The following TSC22D1 variants were observed in gnomAD, a reference collection of about 807,000 sequenced individuals.
TSC22D1 encodes the protein TSC22 domain family member 1.
A neutral mutation model predicts 74.2 loss-of-function variants in TSC22D1; 9 were observed. The observed-to-expected ratio is 0.12, with a 90% CI of 0.07 to 0.21. The LOEUF is 0.21. Ranked by LOEUF, TSC22D1 falls within the 10% of genes least tolerant of loss-of-function variation. The pLI is 1.00. For synonymous variants in TSC22D1, 586 were observed against 492.5 expected, an observed-to-expected ratio of 1.19 and a Z score of -2.51; for missense variants, 1,427 against 1,304.7, an observed-to-expected ratio of 1.09 and a Z score of -1.44.
chr13:44,478,334 G>A (rs955162626), intron 1 of TSC22D1, among the ~76,000 whole-genome samples: 6 of 151,958 alleles, frequency 3.9e-5, no homozygotes, highest in East Asian at 1.9e-4. Flanking sequence ...TACTTTATAC[G>A]TATATTACCT....
At chr13:44,437,327 G>T in intron 1 of TSC22D1, 6 of 908,324 alleles carry the variant, frequency 6.6e-6, no homozygotes, top group Non-Finnish European at 6.6e-6. Context: ...CAATTATCTA[G>T]TTCTTACCGG....
intron 1 of TSC22D1, among the ~76,000 whole-genome samples, chr13:44,511,203 T>A (rs1879697638): frequency 6.6e-6 from 1 of 152,074 alleles, no homozygotes; most frequent in South Asian, 2.1e-4. Context: ...GAGGATTGCT[T>A]GAGCCCGGGA....
At chr13:44,536,448 A>G (rs1014773093) in intron 1 of TSC22D1, among the ~76,000 whole-genome samples, 15 of 151,900 alleles carry the variant, frequency 9.9e-5, no homozygotes, top group Admixed American at 9.8e-4. Context: ...ATAAAACTAA[A>G]TATTACCCTT....
intron 1 of TSC22D1, among the ~76,000 whole-genome samples, chr13:44,526,447 G>T (rs1450150491): frequency 4.0e-5 from 6 of 151,236 alleles, no homozygotes; most frequent in African/African-American, 1.5e-4. Flanking sequence ...TCAAAGATAC[G>T]TCAATAAAAA....
Position 44,432,646 on chromosome 13 carries a change from C to CA in TSC22D1, c.*1979dup, listed in dbSNP as rs1874143433. On this transcript the variant is annotated 3_prime_UTR_variant, in exon 3 of 3. Transcript: ENST00000458659. ...GATCTTGGATGTCCCATTCACCTCT[C>CA]AATCTCCCACCAGCTCTAGATGAGA... 2 of 152,162 alleles carry CA rather than the reference C, an allele frequency of 1.3e-5. No homozygotes were observed. Among genetic ancestry groups the CA allele is most frequent in the African/African-American group, 4.8e-5 (2 of 41,436 alleles). 9.4% of individuals were successfully genotyped at this position (152,162 alleles called of 1,614,324 possible). A position where few individuals can be genotyped will look rare whatever the true frequency, so the allele number is the denominator to read the frequency against.
intron 1 of TSC22D1, among the ~76,000 whole-genome samples, chr13:44,532,660 C>G (rs7992232): frequency 0.99 from 151,265 of 152,070 alleles, 75,243 homozygotes; most frequent in East Asian, 1. Flanking sequence ...ATTTTTAGTA[C>G]AGACGGGGTT....
chr13:44,537,361 A>C (rs1881210760), intron 1 of TSC22D1: 1 of 985,060 alleles, frequency 1.0e-6, no homozygotes, highest in Non-Finnish European at 1.2e-6. Context: ...GCATGAGGTG[A>C]CTAGAAATGC....
At chr13:44,560,326 C>T (rs1882957022) in intron 1 of TSC22D1, among the ~76,000 whole-genome samples, 1 of 151,956 alleles carries the variant, frequency 6.6e-6, no homozygotes, top group Admixed American at 6.6e-5. Context: ...GGGGGGGGAT[C>T]TTCATTATAC....
intron 1 of TSC22D1, among the ~76,000 whole-genome samples, chr13:44,487,368 GCA>G (rs1238764953): frequency 6.6e-6 from 1 of 151,376 alleles, no homozygotes; most frequent in African/African-American, 2.4e-5. Context: ...GCGTGGTGAT[GCA>G]CACCTGTAAC....
rs569837947 is a variant in TSC22D1 at position 44,541,916 on chromosome 13, A to G, written c.2912+31247T>C. Among the ~76,000 whole-genome samples the G allele has an allele frequency of 5.9e-5, 9 of 152,266 alleles. No individual in the cohort carries two copies. The East Asian group carries it at 1.3e-3, about 23-fold the overall frequency. On this transcript the variant is annotated intron_variant, in intron 1 of 2. Transcript: ENST00000458659. ...ATATGGTGCAAATAGGTGCTATAAA[A>G]GTGCTTTAAAAATTATTTATTAAAC...
Position 44,536,157 on chromosome 13 carries a change from T to C in TSC22D1, c.2912+37006A>G, listed in dbSNP as rs371767636. 3.7e-4 allele frequency among the ~76,000 whole-genome samples: 57 copies of C among 152,046 alleles called. No individual in the cohort carries two copies. The East Asian group carries it at 7.3e-3, about 20-fold the overall frequency. On this transcript the variant is annotated intron_variant, in intron 1 of 2. Coordinates refer to ENST00000458659, the MANE Select transcript of TSC22D1 (RefSeq NM_183422.4). Reference sequence around the variant, plus strand: ...CCAATACAACAGCTATTCTAAATCATAACTGCCTTTTAGAAATTTGATTTC... The same window carrying C: ...CCAATACAACAGCTATTCTAAATCACAACTGCCTTTTAGAAATTTGATTTC...
chr13:44,540,975 G>A (rs1003615596), intron 1 of TSC22D1, among the ~76,000 whole-genome samples: 1 of 152,172 alleles, frequency 6.6e-6, no homozygotes, highest in Admixed American at 6.5e-5. Flanking sequence ...GTTCTACGGA[G>A]TACAGTCAGT....
chr13:44,479,214 A>G (rs978335324), intron 1 of TSC22D1, among the ~76,000 whole-genome samples: 4 of 152,114 alleles, frequency 2.6e-5, no homozygotes, highest in Non-Finnish European at 5.9e-5. Flanking sequence ...TGAAGAATGA[A>G]AACCAACCTC....
intron 1 of TSC22D1, among the ~76,000 whole-genome samples, chr13:44,449,100 G>A (rs1218551853): frequency 2.0e-5 from 3 of 152,226 alleles, no homozygotes; most frequent in East Asian, 1.9e-4. Context: ...TGGCTGCAGG[G>A]TTTCTGGGCC....
At chr13:44,478,875 T>C (rs1232319846) in intron 1 of TSC22D1, among the ~76,000 whole-genome samples, 4 of 151,868 alleles carry the variant, frequency 2.6e-5, no homozygotes, top group Non-Finnish European at 4.4e-5. Context: ...ATGTCTGATA[T>C]ATAAACAAAC....
At chr13:44,451,905 A>C (rs561507771) in intron 1 of TSC22D1, among the ~76,000 whole-genome samples, 1 of 152,258 alleles carries the variant, frequency 6.6e-6, no homozygotes, top group African/African-American at 2.4e-5. Context: ...CGAGGAGAGG[A>C]CTGCAAACTC....
At chr13:44,541,903 T>C (rs1021350101) in intron 1 of TSC22D1, among the ~76,000 whole-genome samples, 3 of 152,094 alleles carry the variant, frequency 2.0e-5, no homozygotes, top group Non-Finnish European at 2.9e-5. Flanking sequence ...ATGGTGCAAA[T>C]AGGTGCTATA....
At chr13:44,563,560 C>T (rs1268907069) in intron 1 of TSC22D1, among the ~76,000 whole-genome samples, 1 of 152,192 alleles carries the variant, frequency 6.6e-6, no homozygotes, top group Non-Finnish European at 1.5e-5. Context: ...TTTCCTATCA[C>T]TTAATCCAAC....
intron 1 of TSC22D1, among the ~76,000 whole-genome samples, chr13:44,567,140 G>C: frequency 6.6e-6 from 1 of 152,196 alleles, no homozygotes; most frequent in Non-Finnish European, 1.5e-5. Context: ...AAACGTATCT[G>C]GGGATCCCCC....
Sources: gnomAD v4.1 joint callset for allele counts (sites outside exome capture counted in the v4.1 genomes callset) on GRCh38, gnomAD v4.1.1 for gene constraint, MANE v1.5 for transcripts, NCBI Gene and HGNC (gene_info 2026-07-23, HGNC 2026-07-21) for gene names.